The following DNAH11 variants were observed in gnomAD, a reference collection of about 807,000 sequenced individuals.
DNAH11 encodes dynein axonemal heavy chain 11, also known as axonemal beta dynein heavy chain 11.
DNAH11 carries 442 observed loss-of-function variants against 526.0 expected under a neutral mutation model. The observed-to-expected ratio is 0.84, with a 90% CI of 0.78 to 0.91. The LOEUF (loss-of-function observed/expected upper bound fraction) is 0.91. DNAH11 is among the 40% of genes least tolerant of loss of function. The pLI is 0.00. For synonymous variants in DNAH11, 2,461 were observed against 1,935.9 expected (o/e 1.27, Z -7.12); for missense variants, 6,989 against 5,448.7 (o/e 1.28, Z -8.90).
Position 21,629,182 on chromosome 7 carries a change from T to C in DNAH11, c.4501-6689T>C, listed in dbSNP as rs1188344597. Among the ~76,000 whole-genome samples, 9 of 152,146 alleles carry C rather than the reference T, an allele frequency of 5.9e-5. 1 individual carries two copies. In the East Asian group the frequency reaches 7.7e-4, roughly 13 times the overall value. The stretch of plus-strand genomic sequence containing the variant: ...TTGATTCATTGGTTGGTTAGGAGCA[T>C]GTTGTTTAATTTGCATGTGTTTGTG... On this transcript the variant is annotated intron_variant, in intron 25 of 81. Coordinates refer to ENST00000409508, the MANE Select transcript of DNAH11 (RefSeq NM_001277115.2).
rs117556541 is a variant in DNAH11, at chr7:21,611,095, G to A, written c.3853-4019G>A. On this transcript the variant is annotated intron_variant, in intron 20 of 81. Transcript: ENST00000409508. Reference sequence around the variant, plus strand: ...TTTGTAAGTTGGTGGACTGAGTGGAGAAGATCCACCTGCAGTGCGGGTGGG... The same window carrying A: ...TTTGTAAGTTGGTGGACTGAGTGGAAAAGATCCACCTGCAGTGCGGGTGGG... 6.7e-3 allele frequency among the ~76,000 whole-genome samples: 1,024 copies of A among 152,290 alleles called. 67 individuals are homozygous for A. In the East Asian group the frequency reaches 0.17, roughly 25 times the overall value.
chr7:21,867,935 AG>A lies in DNAH11; in HGVS notation c.11768del (p.Ser3923ThrfsTer15). 6.4e-7 allele frequency: 1 copy of A among 1,573,532 alleles called. No individual in the cohort carries two copies. ...GGACTTAGTTAAAGCATTCGAAGAA[AG>A]CAGCCCAGCCACCCCCATATTCTTC... ...RLDLVKAFEE[S>X]SPATPIFFIL... On this transcript the variant is annotated frameshift_variant, in exon 72 of 82. Coordinates refer to ENST00000409508, the MANE Select transcript of DNAH11 (RefSeq NM_001277115.2). LOFTEE classifies it high-confidence loss of function.
At chr7:21,727,819 G>A (rs369656056) in intron 45 of DNAH11, among the ~76,000 whole-genome samples, 2 of 152,150 alleles carry the variant, frequency 1.3e-5, no homozygotes, top group African/African-American at 4.8e-5. Context: ...CAATAAAAAC[G>A]TGTTTTTCTC....
chr7:21,731,921 T>C (rs1021660193), intron 45 of DNAH11, among the ~76,000 whole-genome samples: 35 of 152,190 alleles, frequency 2.3e-4, no homozygotes, highest in Admixed American at 2.3e-3. Context: ...GACAGAATTG[T>C]TCTATTTTAC....
At chr7:21,707,447 A>G (rs565129803) in intron 39 of DNAH11, among the ~76,000 whole-genome samples, 9 of 152,244 alleles carry the variant, frequency 5.9e-5, no homozygotes, top group Non-Finnish European at 1.0e-4. Context: ...CAAGTGAGAA[A>G]GTGACTCCCT....
rs1028752297 is a variant in DNAH11 at position 21,621,625 on chromosome 7, G to T, written c.4500+1547G>T. Among the ~76,000 whole-genome samples the T allele has an allele frequency of 1.5e-3, 235 of 152,004 alleles. 1 individual carries two copies. The highest frequency in any genetic ancestry group is 2.5e-3 in the Non-Finnish European group (171 of 68,012). On this transcript the variant is annotated intron_variant, in intron 25 of 81. Coordinates refer to ENST00000409508, the MANE Select transcript of DNAH11 (RefSeq NM_001277115.2). The stretch of plus-strand genomic sequence containing the variant: ...AGCACATCAAAAAGCTTATCCACCA[G>T]GATCAAGTGGGCTTCATCCCTGGGA...
intron 39 of DNAH11, among the ~76,000 whole-genome samples, chr7:21,707,042 T>C (rs1784292847): frequency 6.6e-6 from 1 of 152,188 alleles, no homozygotes; most frequent in Non-Finnish European, 1.5e-5. Context: ...TAGGAGGCTA[T>C]CCTGCTCATT....
At chr7:21,883,857 A>C (rs1784022140) in intron 75 of DNAH11, among the ~76,000 whole-genome samples, 1 of 152,138 alleles carries the variant, frequency 6.6e-6, no homozygotes, top group African/African-American at 2.4e-5. Flanking sequence ...CCTGGACACC[A>C]TAGTGAGACC....
chr7:21,631,809 G>T (rs751313055), intron 25 of DNAH11, among the ~76,000 whole-genome samples: 1 of 152,234 alleles, frequency 6.6e-6, no homozygotes, highest in South Asian at 2.1e-4. Flanking sequence ...ACAAGCTGTC[G>T]GTGGATCTAC....
chr7:21,900,240 TTA>T (rs1784719667), intron 81 of DNAH11, 120 bp downstream of exon 81: 4 of 1,103,420 alleles, frequency 3.6e-6, no homozygotes, highest in Non-Finnish European at 4.9e-6. Flanking sequence ...ATGCTAGTCA[TTA>T]TCTCATTTCT....
intron 30 of DNAH11, among the ~76,000 whole-genome samples, chr7:21,671,527 A>G (rs913511657): frequency 6.6e-6 from 1 of 151,854 alleles, no homozygotes; most frequent in Non-Finnish European, 1.5e-5. Context: ...TGGGGTTCGT[A>G]ATTTATTTTT....
At chr7:21,842,070 G>A (rs1782223445) in intron 65 of DNAH11, among the ~76,000 whole-genome samples, 1 of 152,068 alleles carries the variant, frequency 6.6e-6, no homozygotes, top group Non-Finnish European at 1.5e-5. Flanking sequence ...AGGTGTTTGA[G>A]GCCTTTATTT....
chr7:21,556,305 A>G (rs917260153), intron 2 of DNAH11, among the ~76,000 whole-genome samples: 4 of 152,136 alleles, frequency 2.6e-5, no homozygotes, highest in Non-Finnish European at 5.9e-5. Flanking sequence ...CAGTATTTAG[A>G]TTTACTATGC....
At chr7:21,819,588 C>G (rs1301935507) in intron 65 of DNAH11, among the ~76,000 whole-genome samples, 2 of 152,178 alleles carry the variant, frequency 1.3e-5, no homozygotes, top group Non-Finnish European at 2.9e-5. Context: ...ATTATGAAGA[C>G]TTAAAATTTT....
rs565253814 is a variant in DNAH11, at chr7:21,739,323, A to G, written c.7812-248A>G. ...GTTTCTACAGAGTAACATGAGAATC[A>G]ATAAGCAGTAATAGTTTACATTGAC... On this transcript the variant is annotated intron_variant, in intron 47 of 81. Transcript: ENST00000409508. Among the ~76,000 whole-genome samples, 22 of 152,330 alleles carry G rather than the reference A, an allele frequency of 1.4e-4. No homozygotes were observed. In the South Asian group the frequency reaches 4.1e-3, roughly 29 times the overall value.
intron 45 of DNAH11, among the ~76,000 whole-genome samples, chr7:21,730,982 A>G (rs1435505815): frequency 6.6e-6 from 1 of 152,078 alleles, no homozygotes; most frequent in Non-Finnish European, 1.5e-5. Context: ...GGTCTCTACT[A>G]AAAATACAAA....
At chr7:21,600,160 G>A (rs1785021556) in intron 15 of DNAH11, 41 bp downstream of exon 15, 1 of 1,473,446 alleles carries the variant, frequency 6.8e-7, no homozygotes, top group South Asian at 1.5e-5. Flanking sequence ...TTATATTAAT[G>A]ATTCAAAAAC....
intron 74 of DNAH11, among the ~76,000 whole-genome samples, chr7:21,877,762 C>A (rs1583803460): frequency 1.3e-5 from 2 of 150,890 alleles, no homozygotes; most frequent in South Asian, 4.2e-4. Flanking sequence ...GTAGTCCCAG[C>A]TACTCGGGAG....
intron 25 of DNAH11, among the ~76,000 whole-genome samples, chr7:21,624,001 A>G (rs1169018687): frequency 2.6e-5 from 4 of 151,596 alleles, no homozygotes; most frequent in African/African-American, 7.3e-5. Context: ...AAAATAAAAA[A>G]AAAGAATCCA....
Sources: gnomAD v4.1 joint callset for allele counts (sites outside exome capture counted in the v4.1 genomes callset) on GRCh38, gnomAD v4.1.1 for gene constraint, MANE v1.5 for transcripts, NCBI Gene and HGNC (gene_info 2026-07-23, HGNC 2026-07-21) for gene names.